The following KATNIP variants were observed in gnomAD, a reference collection of about 807,000 sequenced individuals.
KATNIP encodes the protein katanin interacting protein, also known as katanin-interacting protein.
Under a neutral mutation model 174.0 loss-of-function variants are expected in KATNIP, and 126 were observed. The observed-to-expected ratio is 0.72, with a 90% CI of 0.63 to 0.84. KATNIP has a LOEUF of 0.84. KATNIP is among the 40% of genes least tolerant of loss of function. KATNIP has a pLI of 0.00. For missense variants in KATNIP, 1,958 were observed against 2,109.7 expected, an observed-to-expected ratio of 0.93 and a Z score of 1.41; for synonymous variants, 810 against 835.7, an observed-to-expected ratio of 0.97 and a Z score of 0.53.
At position 27,596,377 on chromosome 16, in the gene KATNIP, TC is replaced by T. The variant is rs571254474; in HGVS notation, c.64-22046del. Among the ~76,000 whole-genome samples the T allele has an allele frequency of 1.6e-3, 239 of 152,190 alleles. 1 individual carries two copies. The highest frequency in any genetic ancestry group is 5.6e-3 in the African/African-American group (231 of 41,514). ...CTGTGAGAATGATGGCTGCTTTATCTCCTGAGATGGGAGAGAGAGTGAGAGC... is the reference window on the plus strand; with the variant it reads ...CTGTGAGAATGATGGCTGCTTTATCTCTGAGATGGGAGAGAGAGTGAGAGC... On this transcript the variant is annotated intron_variant, in intron 2 of 27. Coordinates refer to ENST00000261588, the MANE Select transcript of KATNIP (RefSeq NM_015202.5).
At chr16:27,655,439 C>T (rs2077250332) in intron 6 of KATNIP, among the ~76,000 whole-genome samples, 1 of 147,790 alleles carries the variant, frequency 6.8e-6, no homozygotes, top group Non-Finnish European at 1.5e-5. Flanking sequence ...TTTTGAGAGA[C>T]AAGGTCTTGC....
Position 27,761,431 on chromosome 16 carries a change from C to G in KATNIP, c.3650C>G (p.Thr1217Ser). The G allele has an allele frequency of 6.2e-7, 1 of 1,609,044 alleles. No individual in the cohort carries two copies. The highest frequency in any genetic ancestry group is 8.5e-7 in the Non-Finnish European group (1 of 1,177,142). Residue 1217 changes from threonine to serine, a missense_variant, in exon 19 of 28, where the codon ACT (threonine) becomes AGT (serine). Thr to Ser is a moderately conservative substitution (Grantham distance 58). Around this residue, in one of 3 missense-constraint regions of KATNIP, gnomAD observed 1,557 missense variants for 1,617.8 expected, o/e 0.96. Transcript: ENST00000261588. ...YHGICLQLNFTASWGDLHYLG... is the reference protein window; with the variant it reads ...YHGICLQLNFSASWGDLHYLG... ...GTTGCAGGCCTTCAGCTGAATTTCA[C>G]TGCCTCCTGGGGAGACTTGCACTAC... is the stretch of plus-strand genomic sequence containing the variant.
At chr16:27,629,165 CAAAAAAA>C (rs1169255800) in intron 4 of KATNIP, among the ~76,000 whole-genome samples, 208 of 64,006 alleles carry the variant, frequency 3.2e-3, no homozygotes, top group African/African-American at 7.9e-3. Flanking sequence ...GAGACTCTGT[CAAAAAAA>C]AAAAAAAAAA....
intron 12 of KATNIP, among the ~76,000 whole-genome samples, chr16:27,704,403 G>C (rs549884455): frequency 6.6e-5 from 10 of 152,274 alleles, no homozygotes; most frequent in African/African-American, 2.4e-4. Flanking sequence ...TCCCACATAC[G>C]TGGCAGGCAG....
intron 2 of KATNIP, among the ~76,000 whole-genome samples, chr16:27,610,174 A>G (rs988026844): frequency 1.3e-5 from 2 of 152,040 alleles, no homozygotes; most frequent in African/African-American, 4.8e-5. Flanking sequence ...GATTCCACTC[A>G]CCTCTCATCA....
chr16:27,706,276 C>A (rs2079299832), intron 12 of KATNIP, among the ~76,000 whole-genome samples: 1 of 152,150 alleles, frequency 6.6e-6, no homozygotes, highest in South Asian at 2.1e-4. Context: ...CTGTTTCTCC[C>A]CATGTAAATC....
chr16:27,769,026 C>T (rs867338749), intron 20 of KATNIP, among the ~76,000 whole-genome samples: 16 of 152,234 alleles, frequency 1.1e-4, no homozygotes, highest in Admixed American at 5.9e-4. Context: ...GTGGCTGGGC[C>T]GCCTCAGACT....
chr16:27,734,269 G>C (rs182355919), intron 14 of KATNIP, among the ~76,000 whole-genome samples: 32 of 151,854 alleles, frequency 2.1e-4, no homozygotes, highest in Admixed American at 2.0e-3. Context: ...TTTTAATAGA[G>C]ACAGCGTTTC....
chr16:27,656,936 A>T (rs1236372531), intron 6 of KATNIP, among the ~76,000 whole-genome samples: 2 of 139,734 alleles, frequency 1.4e-5, no homozygotes, highest in Non-Finnish European at 3.0e-5. Context: ...TTAAAGTATA[A>T]AAAAAAAAAA....
chr16:27,705,006 G>T (rs1403914664), intron 12 of KATNIP, among the ~76,000 whole-genome samples: 1 of 150,618 alleles, frequency 6.6e-6, no homozygotes, highest in Admixed American at 6.6e-5. Context: ...TGCCTCCCAG[G>T]TTCAAACTAT....
rs1360822885 is a variant in KATNIP at position 27,631,215 on chromosome 16, TG to T, written c.408+54del. ...CTTTAGAATACAGAGTGTGGGTGGCTGTGGGAATAGAAATACAATCAGAGCA... is the reference window on the plus strand; with the variant it reads ...CTTTAGAATACAGAGTGTGGGTGGCTTGGGAATAGAAATACAATCAGAGCA... On this transcript the variant is annotated intron_variant, in intron 5 of 27. Transcript: ENST00000261588. 4 of 1,357,758 alleles carry T rather than the reference TG, an allele frequency of 2.9e-6. No homozygotes were observed. In the Admixed American group the frequency reaches 7.9e-5, roughly 27 times the overall value. 84.1% of individuals were successfully genotyped at this position (1,357,758 alleles called of 1,614,324 possible). A position where few individuals can be genotyped will look rare whatever the true frequency, so the allele number is the denominator to read the frequency against.
chr16:27,559,598 C>G (rs2141579696), intron 1 of KATNIP, among the ~76,000 whole-genome samples: 1 of 151,592 alleles, frequency 6.6e-6, no homozygotes, highest in South Asian at 2.1e-4. Context: ...GTGGGATCAC[C>G]TTAGCCCAGG....
chr16:27,713,171 T>G (rs2079660965), intron 13 of KATNIP, among the ~76,000 whole-genome samples: 1 of 152,138 alleles, frequency 6.6e-6, no homozygotes, highest in African/African-American at 2.4e-5. Flanking sequence ...CCCACATCAC[T>G]TCTTCCTCCA....
chr16:27,643,867 C>T (rs1200076135), intron 5 of KATNIP, among the ~76,000 whole-genome samples: 1 of 151,980 alleles, frequency 6.6e-6, no homozygotes, highest in Non-Finnish European at 1.5e-5. Flanking sequence ...AACCCCAGGG[C>T]TTCAAGGGAA....
At chr16:27,648,555 A>G (rs773632979) in intron 5 of KATNIP, 49 bp from the exon 6 acceptor site, 5 of 1,608,660 alleles carry the variant, frequency 3.1e-6, no homozygotes, top group Non-Finnish European at 3.4e-6. Context: ...CCGCAGAGGA[A>G]TGAAGACCTC....
At chr16:27,699,727 C>T in intron 10 of KATNIP, 128 bp downstream of exon 10, 1 of 1,241,436 alleles carries the variant, frequency 8.1e-7, no homozygotes, top group Non-Finnish European at 1.1e-6. Flanking sequence ...GGGCGCTTTC[C>T]TTCACACTGT....
At chr16:27,704,472 G>C (rs918885859) in intron 12 of KATNIP, among the ~76,000 whole-genome samples, 3 of 152,166 alleles carry the variant, frequency 2.0e-5, no homozygotes, top group Admixed American at 6.5e-5. Flanking sequence ...GGAAGAGCCT[G>C]AGAAACACTT....
At chr16:27,650,588 T>C (rs2077093391) in intron 6 of KATNIP, among the ~76,000 whole-genome samples, 1 of 152,192 alleles carries the variant, frequency 6.6e-6, no homozygotes, top group Non-Finnish European at 1.5e-5. Context: ...TGCTTCTACG[T>C]ATCGCTTTTA....
chr16:27,682,503 A>G (rs1597159653), intron 8 of KATNIP, among the ~76,000 whole-genome samples: 1 of 152,166 alleles, frequency 6.6e-6, no homozygotes, highest in African/African-American at 2.4e-5. Flanking sequence ...ACCAAGGAAG[A>G]GACCAGGTGG....
Sources: allele counts gnomAD v4.1 joint callset (sites outside exome capture counted in the v4.1 genomes callset), GRCh38; gene constraint gnomAD v4.1.1; regional missense constraint gnomAD v4.1.1; transcripts MANE v1.5; gene names NCBI Gene and HGNC (gene_info 2026-07-23, HGNC 2026-07-21).